Variants in KLRG1 observed in about 807,000 individuals in gnomAD.
The protein encoded by KLRG1 is killer cell lectin like receptor G1, also known as killer cell lectin-like receptor subfamily G member 1.
A neutral mutation model predicts 21.8 loss-of-function variants in KLRG1; 16 were observed. That is an observed-to-expected ratio of 0.73 (90% confidence interval 0.50 to 1.11). KLRG1 has a LOEUF of 1.11. KLRG1 is among the 50% of genes most tolerant of loss of function. The pLI, the probability that KLRG1 is intolerant of heterozygous loss-of-function variation, is 0.00. For missense variants in KLRG1, 173 were observed against 218.3 expected (o/e 0.79, Z 1.31); for synonymous variants, 69 against 75.9 (o/e 0.91, Z 0.47).
the KLRG1 span, among the ~76,000 whole-genome samples, chr12:9,119,041 T>C: frequency 3.3e-5 from 5 of 152,030 alleles, no homozygotes; most frequent in African/African-American, 1.2e-4. Flanking sequence ...GAGTGTGAGG[T>C]CTCTGAGTCC....
the KLRG1 span, among the ~76,000 whole-genome samples, chr12:9,198,380 T>A: frequency 1.3e-5 from 2 of 152,156 alleles, no homozygotes; most frequent in Admixed American, 6.6e-5. Flanking sequence ...ACCTACTTAT[T>A]TTCTATCATT....
chr12:9,108,962 C>T, the KLRG1 span, among the ~76,000 whole-genome samples: 1 of 152,106 alleles, frequency 6.6e-6, no homozygotes, highest in Non-Finnish European at 1.5e-5. Flanking sequence ...TTAATTATCT[C>T]CCTAATATAC....
the KLRG1 span, among the ~76,000 whole-genome samples, chr12:9,134,481 C>T: frequency 1.3e-5 from 2 of 152,028 alleles, no homozygotes; most frequent in African/African-American, 4.8e-5. Context: ...ATATTATTGT[C>T]GACTATAAGT....
the KLRG1 span, chr12:9,109,250 G>A: frequency 7.7e-7 from 1 of 1,295,262 alleles, no homozygotes. Context: ...GGAGAGAGTA[G>A]TTAAAATATC....
At chr12:9,090,602 T>A in the KLRG1 span, 1 of 1,014,150 alleles carries the variant, frequency 9.9e-7, no homozygotes, top group Non-Finnish European at 1.4e-6. Flanking sequence ...AAAGATGATA[T>A]AAATGAAGAT....
the KLRG1 span, chr12:9,192,808 G>T: frequency 1.8e-6 from 2 of 1,130,510 alleles, no homozygotes; most frequent in Non-Finnish European, 1.3e-6. Context: ...TCACCAAAAT[G>T]AATAGTTACA....
At chr12:8,988,438 C>G (rs1383219418), upstream of KLRG1, 1 of 152,118 alleles carries the variant, frequency 6.6e-6, no homozygotes, top group African/African-American at 2.4e-5. Context: ...TGGCTGGAAG[C>G]AGAAATATAT....
chr12:8,969,169 T>C (rs1469466421), intron 1 of KLRG1, among the ~76,000 whole-genome samples: 2 of 152,180 alleles, frequency 1.3e-5, no homozygotes, highest in Non-Finnish European at 2.9e-5. Context: ...GGCAAAACCG[T>C]GTCTGGCTCC....
chr12:9,200,513 C>A, the KLRG1 span: 1 of 1,272,780 alleles, frequency 7.9e-7, no homozygotes, highest in South Asian at 1.3e-5. Flanking sequence ...CAAATAATTT[C>A]AGTATGTCTA....
At chr12:9,052,781 A>T in the KLRG1 span, 1 of 426,224 alleles carries the variant, frequency 2.3e-6, no homozygotes, top group South Asian at 1.7e-5. Context: ...TTTTTCATTT[A>T]AAAATGGGAT....
the KLRG1 span, among the ~76,000 whole-genome samples, chr12:9,035,039 T>A: frequency 5.7e-5 from 8 of 140,414 alleles, no homozygotes; most frequent in African/African-American, 4.9e-5. Flanking sequence ...AAAAAAAAAA[T>A]TAAATAGAAA....
chr12:9,052,312 A>C, the KLRG1 span, among the ~76,000 whole-genome samples: 1 of 152,170 alleles, frequency 6.6e-6, no homozygotes, highest in Non-Finnish European at 1.5e-5. Context: ...GACTCTAAGC[A>C]AGAAGTTTTG....
the KLRG1 span, among the ~76,000 whole-genome samples, chr12:9,131,312 G>A: frequency 6.6e-6 from 1 of 152,126 alleles, no homozygotes; most frequent in Non-Finnish European, 1.5e-5. Context: ...CTTTTTAAAA[G>A]TGAGAGTTTA....
At chr12:9,095,784 G>C in the KLRG1 span, 2 of 1,209,682 alleles carry the variant, frequency 1.7e-6, no homozygotes, top group South Asian at 1.6e-5. Flanking sequence ...ACGGAGTCTC[G>C]CTCTGTCGCC....
chr12:9,098,927 A>G, the KLRG1 span, among the ~76,000 whole-genome samples: 3 of 152,150 alleles, frequency 2.0e-5, no homozygotes, highest in African/African-American at 4.8e-5. Flanking sequence ...CTTCTCTTTC[A>G]TTCTCAAGAA....
chr12:9,187,210 C>A, the KLRG1 span, among the ~76,000 whole-genome samples: 1 of 151,986 alleles, frequency 6.6e-6, no homozygotes. Flanking sequence ...GCTTAGAGAC[C>A]TTCAAAGAGA....
chr12:9,019,107 G>A, the KLRG1 span, among the ~76,000 whole-genome samples: 1 of 152,120 alleles, frequency 6.6e-6, no homozygotes, highest in South Asian at 2.1e-4. Context: ...TTAAAAATGG[G>A]CAAAAGATCT....
the KLRG1 span, among the ~76,000 whole-genome samples, chr12:9,107,370 T>C: frequency 6.6e-6 from 1 of 152,242 alleles, no homozygotes; most frequent in South Asian, 2.1e-4. Flanking sequence ...ATTCCCATTG[T>C]GCTAAGTTCA....
At chr12:9,170,263 C>T in the KLRG1 span, 1 of 152,108 alleles carries the variant, frequency 6.6e-6, no homozygotes, top group Admixed American at 6.5e-5. The surrounding 1 kb of genome is among the most constrained non-coding windows in gnomAD (Gnocchi z 4.6). Context: ...ACATTTCTCC[C>T]AAGGATCTCT....
Sources: gnomAD v4.1 joint callset for allele counts (sites outside exome capture counted in the v4.1 genomes callset) on GRCh38, gnomAD v4.1.1 for gene constraint, Gnocchi (gnomAD v3.1) non-coding constraint, MANE v1.5 for transcripts, NCBI Gene and HGNC (gene_info 2026-07-23, HGNC 2026-07-21) for gene names.